Variants in SHQ1 observed in about 807,000 individuals in gnomAD.
SHQ1 encodes protein SHQ1 homolog.
A neutral mutation model predicts 53.8 loss-of-function variants in SHQ1; 49 were observed. That is an observed-to-expected ratio of 0.91 (90% CI 0.72 to 1.16). SHQ1 has a LOEUF of 1.16. SHQ1 is among the 50% of genes most tolerant of loss of function. The probability of loss-of-function intolerance (pLI) is 0.00; values close to 1 mark genes in which losing one functional copy is unlikely to be tolerated. For synonymous variants in SHQ1, 243 were observed against 251.0 expected (o/e 0.97, Z 0.30); for missense variants, 738 against 683.1 (o/e 1.08, Z -0.90).
chr3:72,791,972 G>A (rs142335658), intron 10 of SHQ1, among the ~76,000 whole-genome samples: 227 of 152,288 alleles, frequency 1.5e-3, no homozygotes, highest in African/African-American at 5.3e-3. Flanking sequence ...AAATGTAATC[G>A]TTAATCTACT....
chr3:72,836,164 T>C (rs1707984793), intron 4 of SHQ1, among the ~76,000 whole-genome samples: 1 of 152,224 alleles, frequency 6.6e-6, no homozygotes, highest in Non-Finnish European at 1.5e-5. Context: ...ACCAGGTCTC[T>C]ACTCTCATGG....
intron 9 of SHQ1, among the ~76,000 whole-genome samples, chr3:72,811,670 C>T (rs2106854779): frequency 6.6e-6 from 1 of 152,246 alleles, no homozygotes; most frequent in South Asian, 2.1e-4. Context: ...ATTTTCTTCC[C>T]CCATCCCCAC....
intron 8 of SHQ1, among the ~76,000 whole-genome samples, chr3:72,813,324 A>C (rs1011245870): frequency 6.6e-6 from 1 of 151,674 alleles, no homozygotes; most frequent in Non-Finnish European, 1.5e-5. Context: ...AAAATTAGCC[A>C]GGTGTGGTGA....
chr3:72,812,655 T>C lies in SHQ1; in HGVS notation c.1060+16A>G, dbSNP rs771823431. Reference sequence around the variant, plus strand: ...ACTTTTTCCCTCCCAAATTTGCAAGTACAGTAATATCTTACCCAGTTGCAA... The same window carrying C: ...ACTTTTTCCCTCCCAAATTTGCAAGCACAGTAATATCTTACCCAGTTGCAA... On this transcript the variant is annotated intron_variant, in intron 9 of 10. Transcript: ENST00000325599. The C allele has an allele frequency of 6.2e-7, 1 of 1,610,694 alleles. No individual in the cohort carries two copies. Among genetic ancestry groups the C allele is most frequent in the Admixed American group, 1.7e-5 (1 of 59,356 alleles).
chr3:72,807,553 C>T (rs762795695), intron 9 of SHQ1, among the ~76,000 whole-genome samples: 4 of 152,108 alleles, frequency 2.6e-5, no homozygotes, highest in Non-Finnish European at 4.4e-5. Context: ...TTTTAGTTTT[C>T]GAGTTTGCAA....
At chr3:72,762,242 G>C (rs930004376) in intron 10 of SHQ1, among the ~76,000 whole-genome samples, 2 of 152,140 alleles carry the variant, frequency 1.3e-5, no homozygotes, top group African/African-American at 4.8e-5. Flanking sequence ...CTCTCATAAG[G>C]TTTATCCAAA....
chr3:72,826,466 A>G (rs1707659170), intron 5 of SHQ1, among the ~76,000 whole-genome samples: 1 of 152,266 alleles, frequency 6.6e-6, no homozygotes, highest in Non-Finnish European at 1.5e-5. Flanking sequence ...CATTCAACAG[A>G]AAGTACTGAC....
Position 72,817,242 on chromosome 3 carries a change from T to C in SHQ1, c.870A>G (p.Glu290=), listed in dbSNP as rs1304625865. 6.2e-7 allele frequency: 1 copy of C among 1,613,076 alleles called. No individual in the cohort carries two copies. The highest frequency in any genetic ancestry group is 2.2e-5 in the East Asian group (1 of 44,866). Residue 290 remains glutamate (E), a synonymous_variant, in exon 7 of 11, where the codon GAA becomes GAG. Transcript: ENST00000325599. ...TACATGCACTTACATTCTTCTCTCC[T>C]TCAGTGACACGGGTTTCATAGCAAT... ...LAYCYETRVT[E]GEKNVESAWN...
At chr3:72,845,872 G>A (rs1708313994) in intron 1 of SHQ1, among the ~76,000 whole-genome samples, 1 of 152,152 alleles carries the variant, frequency 6.6e-6, no homozygotes. Context: ...GCCAGAATAA[G>A]GGGTCAGTTT....
chr3:72,739,742 A>G, the SHQ1 span, among the ~76,000 whole-genome samples: 12 of 152,362 alleles, frequency 7.9e-5, no homozygotes, highest in South Asian at 4.1e-4. Context: ...TAGAAGTGCA[A>G]TGTCTGTGAA....
At chr3:72,799,919 G>T (rs940085023) in intron 9 of SHQ1, among the ~76,000 whole-genome samples, 1 of 152,010 alleles carries the variant, frequency 6.6e-6, no homozygotes, top group African/African-American at 2.4e-5. Context: ...TGGAAACAGG[G>T]TTCTAACTCT....
At chr3:72,763,894 G>A (rs1340813107) in intron 10 of SHQ1, among the ~76,000 whole-genome samples, 1 of 152,070 alleles carries the variant, frequency 6.6e-6, no homozygotes, top group East Asian at 1.9e-4. Flanking sequence ...CCAGTCTGTG[G>A]TAATTTGTTA....
At chr3:72,826,916 A>C (rs1707677311) in intron 5 of SHQ1, among the ~76,000 whole-genome samples, 1 of 152,250 alleles carries the variant, frequency 6.6e-6, no homozygotes, top group Non-Finnish European at 1.5e-5. Flanking sequence ...TACATAGGGG[A>C]ATGACATTAG....
intron 10 of SHQ1, among the ~76,000 whole-genome samples, chr3:72,774,998 C>T (rs527376140): frequency 6.6e-6 from 1 of 152,200 alleles, no homozygotes; most frequent in African/African-American, 2.4e-5. Context: ...ACCTGTAATC[C>T]CAGCTACTCG....
chr3:72,760,738 T>C (rs1305702148), intron 10 of SHQ1, among the ~76,000 whole-genome samples: 1 of 152,210 alleles, frequency 6.6e-6, no homozygotes, highest in East Asian at 1.9e-4. Context: ...ACTTAATTCC[T>C]ATGGAGAAGT....
At chr3:72,787,904 C>G (rs540333560) in intron 10 of SHQ1, among the ~76,000 whole-genome samples, 1 of 152,214 alleles carries the variant, frequency 6.6e-6, no homozygotes, top group African/African-American at 2.4e-5. Flanking sequence ...TTGGTGCAGA[C>G]GGGGTTTCGC....
chr3:72,729,905 C>T, the SHQ1 span, among the ~76,000 whole-genome samples: 3 of 151,884 alleles, frequency 2.0e-5, no homozygotes, highest in Admixed American at 6.6e-5. Flanking sequence ...GCAGGCTCTG[C>T]CCCCCGGGGT....
chr3:72,806,674 A>C (rs1162546849), intron 9 of SHQ1, among the ~76,000 whole-genome samples: 4 of 152,196 alleles, frequency 2.6e-5, no homozygotes, highest in Admixed American at 1.3e-4. Context: ...AATTCCAACA[A>C]ACACATTTTC....
chr3:72,731,496 G>A, the SHQ1 span, among the ~76,000 whole-genome samples: 1 of 150,508 alleles, frequency 6.6e-6, no homozygotes, highest in African/African-American at 2.5e-5. Context: ...AACCAGCCTG[G>A]CCAACATGGT....
Sources: allele counts gnomAD v4.1 joint callset (sites outside exome capture counted in the v4.1 genomes callset), GRCh38; gene constraint gnomAD v4.1.1; transcripts MANE v1.5; gene names NCBI Gene and HGNC (gene_info 2026-07-23, HGNC 2026-07-21).